The following CYP2A13 variants were observed in gnomAD, a reference collection of about 807,000 sequenced individuals.
CYP2A13 encodes cytochrome P450 2A13.
Under a neutral mutation model 39.4 loss-of-function variants are expected in CYP2A13, and 30 were observed. The observed-to-expected ratio is 0.76, with a 90% CI of 0.57 to 1.03. The LOEUF (loss-of-function observed/expected upper bound fraction) is 1.03, where lower values mean the gene tolerates loss of function less well. Ranked by LOEUF, CYP2A13 falls within the 50% of genes least tolerant of loss-of-function variation. The pLI is 0.00. For missense variants in CYP2A13, 731 were observed against 648.4 expected (o/e 1.13, Z -1.38); for synonymous variants, 269 against 254.7 (o/e 1.06, Z -0.54).
chr19:41,091,665 C>T (rs1044235832), intron 4 of CYP2A13, 67 bp from the exon 5 acceptor site: 1 of 1,587,278 alleles, frequency 6.3e-7, no homozygotes. Flanking sequence ...AAACAAATCC[C>T]CATTCCCATC....
At chr19:41,089,112 G>T (rs1259803639) in intron 2 of CYP2A13, 21 bp downstream of exon 2, 12 of 1,611,502 alleles carry the variant, frequency 7.4e-6, no homozygotes, top group Non-Finnish European at 9.3e-6. Flanking sequence ...GCCCAAGAGG[G>T]GGAAGGTGGC....
At chr19:41,090,620 C>T in intron 4 of CYP2A13, 56 bp downstream of exon 4, 2 of 1,611,806 alleles carry the variant, frequency 1.2e-6, no homozygotes, top group Non-Finnish European at 1.7e-6. Flanking sequence ...AACTGCTCCC[C>T]TACCTGGAGA....
chr19:41,092,018 A>G (rs955707396), intron 5 of CYP2A13, 110 bp downstream of exon 5: 3 of 1,497,430 alleles, frequency 2.0e-6, no homozygotes, highest in Admixed American at 2.2e-5. Flanking sequence ...CCTCGTCATA[A>G]TAATCCTTAC....
At chr19:41,091,129 C>T (rs541699334) in intron 4 of CYP2A13, among the ~76,000 whole-genome samples, 1 of 152,274 alleles carries the variant, frequency 6.6e-6, no homozygotes, top group South Asian at 2.1e-4. Flanking sequence ...ATAGATTATT[C>T]CCTGACACCC....
rs2144729195 is a variant in CYP2A13, at chr19:41,095,967, G to A, written c.*26G>A. 4 of 1,613,624 alleles carry A rather than the reference G, an allele frequency of 2.5e-6. No homozygotes were observed. The highest frequency in any genetic ancestry group is 3.4e-6 in the Non-Finnish European group (4 of 1,179,738). ...GCGAGGGCTGTGCTGGTGCAGGGCT[G>A]GTGGGCGGGGCCAGGGAAACGGCCG... On this transcript the variant is annotated 3_prime_UTR_variant, in exon 9 of 9. Transcript: ENST00000330436.
Position 41,088,530 on chromosome 19 carries a change from T to C in CYP2A13, c.59T>C (p.Leu20Ser). The change falls in exon 1 of 9, where the codon TTG (leucine) becomes TCG (serine). Residue 20 changes from leucine (L) to serine (S), a missense_variant. Leu to Ser is a moderately radical substitution (Grantham distance 145). Transcript: ENST00000330436. ...CTGGCCTGCCTGACTGTGATGGTCTTGATGTCAGTCTGGCGGCAGAGGAAG... is the reference window on the plus strand; with the variant it reads ...CTGGCCTGCCTGACTGTGATGGTCTCGATGTCAGTCTGGCGGCAGAGGAAG... ...TLLACLTVMV[L>S]MSVWRQRKSR... 1 of 1,614,036 alleles carries C rather than the reference T, an allele frequency of 6.2e-7. No individual in the cohort carries two copies. Among genetic ancestry groups the C allele is most frequent in the South Asian group, 1.1e-5 (1 of 91,080 alleles).
chr19:41,088,768 T>C, intron 1 of CYP2A13, 117 bp downstream of exon 1: 1 of 1,536,290 alleles, frequency 6.5e-7, no homozygotes, highest in South Asian at 1.3e-5. Context: ...GTCTTGGAGT[T>C]TCAGCATCAG....
intron 8 of CYP2A13, among the ~76,000 whole-genome samples, chr19:41,095,346 T>C (rs2031281581): frequency 6.6e-6 from 1 of 152,174 alleles, no homozygotes; most frequent in Non-Finnish European, 1.5e-5. Context: ...CAGCAGATTC[T>C]TCAGCTCCCT....
At chr19:41,092,312 T>TAAAAA (rs529985444) in intron 5 of CYP2A13, among the ~76,000 whole-genome samples, 4 of 53,794 alleles carry the variant, frequency 7.4e-5, no homozygotes, top group Non-Finnish European at 1.0e-4. Context: ...CAAGACCCTG[T>TAAAAA]AAAAAAAAAA....
chr19:41,089,324 C>A (rs2031116295), intron 2 of CYP2A13, among the ~76,000 whole-genome samples: 1 of 152,106 alleles, frequency 6.6e-6, no homozygotes, highest in Admixed American at 6.5e-5. Context: ...CCTTCTCTCT[C>A]ACTGGAGTCT....
chr19:41,095,905 C>G lies in CYP2A13; in HGVS notation c.1449C>G (p.Ile483Met). Residue 483 changes from isoleucine to methionine, a missense_variant, in exon 9 of 9, where the codon ATC (isoleucine) becomes ATG (methionine). Physicochemically the swap from Ile to Met is conservative, Grantham distance 10. Transcript: ENST00000330436. ...CCAAACACGTGGGCTTTGCCACGAT[C>G]CCACGAAACTACACCATGAGCTTCC... ...VSPKHVGFAT[I>M]PRNYTMSFLP... is the part of the protein sequence containing the mutation. The G allele has an allele frequency of 2.5e-6, 4 of 1,613,980 alleles. No homozygotes were observed. The highest frequency in any genetic ancestry group is 3.4e-6 in the Non-Finnish European group (4 of 1,179,912).
intron 4 of CYP2A13, among the ~76,000 whole-genome samples, chr19:41,091,095 T>C (rs1421896204): frequency 7.9e-5 from 12 of 152,170 alleles, no homozygotes; most frequent in South Asian, 6.2e-4. Context: ...CCCTAACCAA[T>C]ACCCTAAACA....
At position 41,088,977 on chromosome 19, in the gene CYP2A13, C is replaced by T. The variant is rs149916708; in HGVS notation, c.229C>T (p.Arg77Trp). ...PVFTIHLGPR[R>W]VVVLCGHDAV... ...GTTCACCATTCACTTGGGGCCCCGG[C>T]GGGTCGTGGTGCTGTGCGGACATGA... The change falls in exon 2 of 9, where the codon CGG becomes TGG. Residue 77 changes from arginine to tryptophan, a missense_variant. Physicochemically the swap from Arg to Trp is moderately radical, Grantham distance 101. Transcript: ENST00000330436. 3.6e-4 allele frequency: 581 copies of T among 1,613,934 alleles called. 2 individuals carry two copies. The highest frequency in any genetic ancestry group is 3.5e-3 in the Middle Eastern group (21 of 6,048).
Position 41,090,131 on chromosome 19 carries a change from G to A in CYP2A13, c.428G>A (p.Arg143His), listed in dbSNP as rs771991041. The A allele has an allele frequency of 8.7e-6, 14 of 1,605,714 alleles. No individual in the cohort carries two copies. The highest frequency in any genetic ancestry group is 1.1e-5 in the Non-Finnish European group (13 of 1,175,748). The part of the protein sequence containing the change: ...ATLRGFGVGK[R>H]GIEERIQEEA... ...CTAAGGGGTTTTGGCGTGGGCAAGC[G>A]CGGCATCGAGGAACGCATCCAGGAG... The change falls in exon 3 of 9, where the codon CGC (arginine) becomes CAC (histidine). Residue 143 changes from arginine (R) to histidine (H), a missense_variant. By Grantham distance (29) the Arg-to-His change is conservative. Transcript: ENST00000330436.
intron 7 of CYP2A13, 127 bp downstream of exon 7, chr19:41,094,559 C>T: frequency 9.3e-7 from 1 of 1,075,608 alleles, no homozygotes; most frequent in Non-Finnish European, 1.4e-6. Flanking sequence ...TCAAAAAAGA[C>T]TTCCCCAACC....
Position 41,089,810 on chromosome 19 carries a change from C to A in CYP2A13, c.344-237C>A, listed in dbSNP as rs868430658. ...CTCTTATTCTTTCTACCCGGTCTCT[C>A]TCTCTCTCTCTCTCTCTCTCTCTCT... is the stretch of plus-strand genomic sequence containing the variant. On this transcript the variant is annotated intron_variant, in intron 2 of 8. Coordinates refer to ENST00000330436, the MANE Select transcript of CYP2A13 (RefSeq NM_000766.5). Among the ~76,000 whole-genome samples the A allele has an allele frequency of 1.8e-3, 7 of 3,868 alleles. No individual in the cohort carries two copies. The South Asian group carries it at 0.042, about 23-fold the overall frequency. The allele number at this position is 3,868 out of a possible 152,430, so 2.5% of individuals were successfully genotyped here. A position where few individuals can be genotyped will look rare whatever the true frequency, so the allele number is the denominator to read the frequency against.
chr19:41,095,869 C>A lies in CYP2A13; in HGVS notation c.1413C>A (p.Ile471=). The A allele has an allele frequency of 6.2e-7, 1 of 1,613,984 alleles. No individual in the cohort carries two copies. The highest frequency in any genetic ancestry group is 8.5e-7 in the Non-Finnish European group (1 of 1,179,882). The stretch of plus-strand genomic sequence containing the variant: ...AGTCCCCTCAGTCGCCTAAGGATAT[C>A]GACGTGTCCCCCAAACACGTGGGCT... ...RFKSPQSPKD[I]DVSPKHVGFA... Residue 471 remains isoleucine (I), a synonymous_variant, in exon 9 of 9, where the codon ATC becomes ATA. Transcript: ENST00000330436.
Position 41,088,989 on chromosome 19 carries a change from C to T in CYP2A13, c.241C>T (p.Leu81=), listed in dbSNP as rs201261248. The change falls in exon 2 of 9, where the codon CTG becomes TTG. Residue 81 remains leucine (L), a synonymous_variant. Transcript: ENST00000330436. The stretch of plus-strand genomic sequence containing the variant: ...CTTGGGGCCCCGGCGGGTCGTGGTG[C>T]TGTGCGGACATGATGCCGTCAAGGA... ...IHLGPRRVVV[L]CGHDAVKEAL... The T allele has an allele frequency of 2.5e-6, 4 of 1,613,950 alleles. No individual in the cohort carries two copies. Among genetic ancestry groups the T allele is most frequent in the African/African-American group, 1.3e-5 (1 of 75,014 alleles).
intron 5 of CYP2A13, 72 bp downstream of exon 5, chr19:41,091,980 C>T: frequency 6.3e-7 from 1 of 1,583,148 alleles, no homozygotes; most frequent in Non-Finnish European, 8.6e-7. Flanking sequence ...GTGGGGTGGG[C>T]AGACGACACA....
Sources: allele counts gnomAD v4.1 joint callset (sites outside exome capture counted in the v4.1 genomes callset), GRCh38; gene constraint gnomAD v4.1.1; transcripts MANE v1.5; gene names NCBI Gene and HGNC (gene_info 2026-07-23, HGNC 2026-07-21).